Variants in COL21A1 observed in about 807,000 individuals in gnomAD.
COL21A1 encodes the protein collagen type XXI alpha 1 chain.
Under a neutral mutation model 137.9 loss-of-function variants are expected in COL21A1, and 149 were observed. That is an observed-to-expected ratio of 1.08 (90% CI 0.95 to 1.24). The LOEUF is 1.24. Among genes scored for constraint, COL21A1 ranks in the 50% most tolerant of loss-of-function variants. COL21A1 has a pLI of 0.00. For synonymous variants in COL21A1, 456 were observed against 391.5 expected (o/e 1.16, Z -1.95); for missense variants, 1,167 against 1,158.4 (o/e 1.01, Z -0.11).
At chr6:56,167,246 C>T (rs963027587) in intron 6 of COL21A1, among the ~76,000 whole-genome samples, 4 of 152,134 alleles carry the variant, frequency 2.6e-5, no homozygotes, top group Non-Finnish European at 4.4e-5. Flanking sequence ...TTTTAGTACT[C>T]CTGTATTAAA....
intron 1 of COL21A1, among the ~76,000 whole-genome samples, chr6:56,369,186 T>C (rs989269841): frequency 6.6e-6 from 1 of 152,100 alleles, no homozygotes; most frequent in Non-Finnish European, 1.5e-5. Flanking sequence ...TTTTAATCAT[T>C]GGTGGCTTTT....
intron 1 of COL21A1, among the ~76,000 whole-genome samples, chr6:56,195,508 A>G (rs1778962395): frequency 6.6e-6 from 1 of 152,090 alleles, no homozygotes. Context: ...TTAGAATACT[A>G]AGAAAAAAAA....
At chr6:56,147,955 A>G (rs1482315883) in intron 10 of COL21A1, among the ~76,000 whole-genome samples, 3 of 147,322 alleles carry the variant, frequency 2.0e-5, no homozygotes, top group African/African-American at 5.0e-5. Context: ...TGTTTGGATT[A>G]TACGCAAATT....
intron 16 of COL21A1, among the ~76,000 whole-genome samples, chr6:56,121,470 G>GTATATA (rs138715564): frequency 7.9e-6 from 1 of 126,512 alleles, no homozygotes; most frequent in Admixed American, 8.4e-5. Context: ...TTTGTCATAT[G>GTATATA]TATATATATA....
At chr6:56,385,629 C>CCA (rs2094016662) in intron 1 of COL21A1, among the ~76,000 whole-genome samples, 1 of 152,078 alleles carries the variant, frequency 6.6e-6, no homozygotes, top group Non-Finnish European at 1.5e-5. Context: ...TATAGTACAT[C>CCA]CACAGTGTTG....
At chr6:56,260,647 G>GAA (rs1562028844) in intron 1 of COL21A1, among the ~76,000 whole-genome samples, 4 of 58,826 alleles carry the variant, frequency 6.8e-5, no homozygotes, top group South Asian at 4.7e-4. Context: ...AAGGAAGGAA[G>GAA]GAAGGAAGGA....
intron 3 of COL21A1, among the ~76,000 whole-genome samples, chr6:56,172,066 C>T (rs1429032425): frequency 1.4e-5 from 1 of 73,538 alleles, no homozygotes; most frequent in Admixed American, 1.1e-4. Context: ...TTTGCGAGTT[C>T]CAGAAAAAAA....
intron 17 of COL21A1, among the ~76,000 whole-genome samples, chr6:56,100,193 T>C (rs1049819328): frequency 6.6e-6 from 1 of 152,184 alleles, no homozygotes; most frequent in African/African-American, 2.4e-5. Context: ...CCTTTAACCA[T>C]CTCACATATG....
intron 1 of COL21A1, among the ~76,000 whole-genome samples, chr6:56,273,415 A>C (rs1763573014): frequency 6.6e-6 from 1 of 152,210 alleles, no homozygotes; most frequent in Admixed American, 6.5e-5. Context: ...ATGCATTCAT[A>C]TAAAAGATCA....
At chr6:56,261,053 T>TTCTTTGCCC (rs1424295540) in intron 1 of COL21A1, among the ~76,000 whole-genome samples, 2 of 151,668 alleles carry the variant, frequency 1.3e-5, no homozygotes, top group African/African-American at 2.4e-5. Flanking sequence ...TTCTTGACAC[T>TTCTTTGCCC]TCACTTTTTA....
chr6:56,371,925 C>T (rs1018853229), intron 1 of COL21A1, among the ~76,000 whole-genome samples: 9 of 152,144 alleles, frequency 5.9e-5, no homozygotes, highest in Admixed American at 4.6e-4. Flanking sequence ...CTCCACAGAG[C>T]TGGGCTGAGT....
chr6:56,189,476 A>G (rs1198004532), intron 1 of COL21A1, among the ~76,000 whole-genome samples: 2 of 152,156 alleles, frequency 1.3e-5, no homozygotes, highest in African/African-American at 4.8e-5. Context: ...ATGTGAAAAG[A>G]CCAAATCTAT....
intron 16 of COL21A1, among the ~76,000 whole-genome samples, chr6:56,103,862 G>A (rs1770658309): frequency 6.6e-6 from 1 of 152,144 alleles, no homozygotes; most frequent in African/African-American, 2.4e-5. Flanking sequence ...TAGGTCTGGG[G>A]CAACCCCTGG....
chr6:56,235,691 T>C, intron 1 of COL21A1, among the ~76,000 whole-genome samples: 1 of 151,944 alleles, frequency 6.6e-6, no homozygotes, highest in East Asian at 1.9e-4. Flanking sequence ...GGTGGTATGT[T>C]TTAGAGTTCT....
At chr6:56,224,174 CG>C (rs1582680928) in intron 1 of COL21A1, among the ~76,000 whole-genome samples, 1 of 152,120 alleles carries the variant, frequency 6.6e-6, no homozygotes, top group Non-Finnish European at 1.5e-5. Flanking sequence ...TATCACCCCA[CG>C]GGGCTTAGGG....
rs76459367 is a variant in COL21A1 at position 56,328,765 on chromosome 6, A to T, written c.-39+65206T>A. ...TTTCCCACCCACTATCTTAAAATAT[A>T]TAACAGAAAAACATGCCTCGAAATA... On this transcript the variant is annotated intron_variant, in intron 1 of 28. Coordinates refer to the COL21A1 transcript ENST00000370819. 9.2e-3 allele frequency among the ~76,000 whole-genome samples: 1,401 copies of T among 152,206 alleles called. 28 individuals carry two copies. Among genetic ancestry groups the T allele is most frequent in the African/African-American group, 0.032 (1,347 of 41,528 alleles).
Position 56,167,073 on chromosome 6 carries a change from G to A in COL21A1, c.1201-90C>T, listed in dbSNP as rs893815106. On this transcript the variant is annotated intron_variant, in intron 6 of 29. Transcript: ENST00000244728. ...CAGATACATAGAAACATCCACTATG[G>A]TTAGTAATTGTGTAAGGTTTACATC... The A allele has an allele frequency of 1.9e-5, 16 of 849,902 alleles. No homozygotes were observed. In the East Asian group the frequency reaches 4.2e-4, roughly 22 times the overall value. The allele number at this position is 849,902 out of a possible 1,614,324, so 52.6% of individuals were successfully genotyped here. A position where few individuals can be genotyped will look rare whatever the true frequency, so the allele number is the denominator to read the frequency against.
intron 17 of COL21A1, among the ~76,000 whole-genome samples, chr6:56,085,814 C>A (rs1332650276): frequency 6.6e-6 from 1 of 151,370 alleles, no homozygotes; most frequent in Admixed American, 6.6e-5. Context: ...TTGAGGTACT[C>A]TGTGGATCAG....
chr6:56,267,558 G>C (rs181191918), intron 1 of COL21A1, among the ~76,000 whole-genome samples: 12 of 152,064 alleles, frequency 7.9e-5, no homozygotes, highest in Admixed American at 7.2e-4. Flanking sequence ...GAAAGTTCGA[G>C]ACCAGCCTGG....
Sources: gnomAD v4.1 joint callset for allele counts (sites outside exome capture counted in the v4.1 genomes callset) on GRCh38, gnomAD v4.1.1 for gene constraint, MANE v1.5 for transcripts, NCBI Gene and HGNC (gene_info 2026-07-23, HGNC 2026-07-21) for gene names.